Variants in PLEKHG5 observed in about 807,000 individuals in gnomAD.
PLEKHG5 encodes pleckstrin homology and RhoGEF domain containing G5, also known as pleckstrin homology domain-containing family G member 5.
Under a neutral mutation model 103.8 loss-of-function variants are expected in PLEKHG5, and 52 were observed. The ratio of observed to expected loss-of-function variants is 0.50; its 90% confidence interval spans 0.40 to 0.63. PLEKHG5 has a LOEUF of 0.63. Ranked by LOEUF, PLEKHG5 falls within the 30% of genes least tolerant of loss-of-function variation. The pLI is 0.00. For synonymous variants in PLEKHG5, 592 were observed against 575.5 expected, an observed-to-expected ratio of 1.03 and a Z score of -0.41; for missense variants, 1,205 against 1,347.6, an observed-to-expected ratio of 0.89 and a Z score of 1.66.
At chr1:6,479,282 CTTTT>C (rs59798457) in intron 1 of PLEKHG5, among the ~76,000 whole-genome samples, 16 of 130,906 alleles carry the variant, frequency 1.2e-4, no homozygotes, top group East Asian at 4.5e-4. Context: ...TCTGTTTATC[CTTTT>C]TTTTTTTTTT....
rs778389781 is a variant in PLEKHG5 at position 6,470,299 on chromosome 1, C to A, written c.1737G>T (p.Pro579=). The change falls in exon 16 of 21, where the codon CCG becomes CCT. Residue 579 remains proline, a synonymous_variant. Coordinates refer to ENST00000377728, the MANE Select transcript of PLEKHG5 (RefSeq NM_020631.6). ...CCAGCAGCAGCTGCCGCGTCTCCTC[C>A]GGGGAGGCGCCAGGGATGGGCGCTG... is the stretch of plus-strand genomic sequence containing the variant. ...DLTAPIPGAS[P]EETRQLLLEG... The A allele has an allele frequency of 6.2e-7, 1 of 1,614,010 alleles. No homozygotes were observed. Among genetic ancestry groups the A allele is most frequent in the Non-Finnish European group, 8.5e-7 (1 of 1,179,948 alleles).
intron 2 of PLEKHG5, 127 bp from the exon 3 acceptor site, chr1:6,476,163 G>A: frequency 1.3e-6 from 1 of 771,292 alleles, no homozygotes; most frequent in Non-Finnish European, 2.2e-6. Flanking sequence ...GGGCCCTTCA[G>A]TTCTGTGAGG....
At chr1:6,493,011 C>T (rs1645173906), upstream of PLEKHG5, among the ~76,000 whole-genome samples, 1 of 152,032 alleles carries the variant, frequency 6.6e-6, no homozygotes, top group African/African-American at 2.4e-5. Context: ...CTTTAATCCT[C>T]AGGACTCCAG....
At chr1:6,475,707 C>T (rs770706450) in intron 3 of PLEKHG5, among the ~76,000 whole-genome samples, 185 bp from the exon 4 acceptor site, 6 of 152,226 alleles carry the variant, frequency 3.9e-5, no homozygotes, top group Non-Finnish European at 8.8e-5. Context: ...GGAGTCACAT[C>T]GAACGGTACC....
At chr1:6,517,396 G>T (rs1445391658) in intron 1 of PLEKHG5, among the ~76,000 whole-genome samples, 1 of 151,812 alleles carries the variant, frequency 6.6e-6, no homozygotes, top group Non-Finnish European at 1.5e-5. Context: ...TGATACAGGG[G>T]ACACTCCAAA....
chr1:6,472,537 A>T lies in PLEKHG5; in HGVS notation c.1070T>A (p.Val357Glu). Residue 357 changes from valine to glutamate, a missense_variant, in exon 10 of 21, where the codon GTG becomes GAG. Physicochemically the swap from Val to Glu is moderately radical, Grantham distance 121. Transcript: ENST00000377728. ...GCAGCCCCTACTCACGTTGATGATC[A>T]CCCGCAGTTTCCTGATGTAGGAGGC... ...TEASYIRKLR[V>E]IINLFLCCLL... 1 of 1,611,556 alleles carries T rather than the reference A, an allele frequency of 6.2e-7. No homozygotes were observed. Among genetic ancestry groups the T allele is most frequent in the Non-Finnish European group, 8.5e-7 (1 of 1,178,016 alleles).
At chr1:6,485,752 G>A in intron 1 of PLEKHG5, 2 of 475,266 alleles carry the variant, frequency 4.2e-6, no homozygotes, top group Non-Finnish European at 5.6e-6. Flanking sequence ...CCTCTGCCCG[G>A]CCGGGGGACC....
chr1:6,510,438 A>G (rs1333913549), intron 1 of PLEKHG5, among the ~76,000 whole-genome samples: 2 of 152,132 alleles, frequency 1.3e-5, no homozygotes, highest in Non-Finnish European at 2.9e-5. Flanking sequence ...TAAAAATACA[A>G]AAATTAGCCA....
In PLEKHG5 at chr1:6,472,645, C is replaced by A. The variant is rs1257325459; in HGVS notation, c.985-23G>T. The A allele has an allele frequency of 3.2e-6, 5 of 1,568,020 alleles. No homozygotes were observed. In the South Asian group the frequency reaches 3.4e-5, roughly 11 times the overall value. On this transcript the variant is annotated intron_variant, in intron 9 of 20. Transcript: ENST00000377728. Reference sequence around the variant, plus strand: ...CTTCTAGAGGGAGGGCAGGATGGGTCATTCACGAGGCCTGGAGCACCTTAG... The same window carrying A: ...CTTCTAGAGGGAGGGCAGGATGGGTAATTCACGAGGCCTGGAGCACCTTAG...
At chr1:6,496,926 G>A, upstream of PLEKHG5, 1 of 1,486,528 alleles carries the variant, frequency 6.7e-7, no homozygotes, top group East Asian at 2.6e-5. Flanking sequence ...GGGGGGAAGG[G>A]GCTCCAAGAT....
chr1:6,476,892 C>T (rs1644777874), intron 2 of PLEKHG5, among the ~76,000 whole-genome samples: 1 of 151,968 alleles, frequency 6.6e-6, no homozygotes, highest in Non-Finnish European at 1.5e-5. Flanking sequence ...CAGCTGGGAC[C>T]ACAAGTGTGT....
At chr1:6,518,074 A>C (rs1638673555) in intron 1 of PLEKHG5, among the ~76,000 whole-genome samples, 1 of 151,852 alleles carries the variant, frequency 6.6e-6, no homozygotes, top group South Asian at 2.1e-4. Context: ...CTGGGACTAC[A>C]GGCGCCTGCC....
chr1:6,508,933 C>T (rs752415747), intron 1 of PLEKHG5, among the ~76,000 whole-genome samples: 55 of 152,368 alleles, frequency 3.6e-4, no homozygotes, highest in South Asian at 4.1e-4. Flanking sequence ...GGTACACACA[C>T]TGCTGGCCGC....
rs755539639 is a variant in PLEKHG5 at position 6,468,145 on chromosome 1, G to A, written c.2691C>T (p.Ala897=). 1.5e-4 allele frequency: 242 copies of A among 1,571,222 alleles called. No individual in the cohort carries two copies. The highest frequency in any genetic ancestry group is 2.0e-4 in the Non-Finnish European group (228 of 1,158,018). The stretch of plus-strand genomic sequence containing the variant: ...AGAGCTCTGACAGGCTGCGGCTGGG[G>A]GCAGAGGGTGTCCCATGGGTGCCAG... ...AGAGTHGTPS[A]PSRSLSELCL... is the part of the protein sequence containing the mutation. The change falls in exon 20 of 21, where the codon GCC becomes GCT. Residue 897 remains alanine (A), a synonymous_variant. Coordinates refer to ENST00000377728, the MANE Select transcript of PLEKHG5 (RefSeq NM_020631.6).
intron 1 of PLEKHG5, among the ~76,000 whole-genome samples, chr1:6,510,906 T>C (rs988555630): frequency 6.6e-6 from 1 of 152,122 alleles, no homozygotes; most frequent in Non-Finnish European, 1.5e-5. Context: ...CTGGCCAACA[T>C]GATGACATCC....
intron 6 of PLEKHG5, 122 bp from the exon 7 acceptor site, chr1:6,474,286 C>G (rs1416432644): frequency 7.4e-7 from 1 of 1,360,040 alleles, no homozygotes; most frequent in Non-Finnish European, 1.0e-6. Context: ...CAGCCCCGCC[C>G]TGCCAGCACC....
chr1:6,502,650 C>T (rs1158151506), intron 1 of PLEKHG5, among the ~76,000 whole-genome samples: 4 of 152,294 alleles, frequency 2.6e-5, no homozygotes, highest in African/African-American at 2.4e-5. Context: ...TGACCAAGGG[C>T]GGAACAGGAG....
chr1:6,497,317 C>A, upstream of PLEKHG5: 1 of 1,169,706 alleles, frequency 8.5e-7, no homozygotes, highest in South Asian at 1.4e-5. This position sits in a 1 kb window ranked among gnomAD's most constrained non-coding sequence, Gnocchi z 6.1. Context: ...CGCCTGCACT[C>A]ACCCATGGAG....
chr1:6,474,324 A>G, intron 6 of PLEKHG5, 127 bp downstream of exon 6: 1 of 1,311,296 alleles, frequency 7.6e-7, no homozygotes, highest in Non-Finnish European at 1.1e-6. Context: ...CATCCAGCAG[A>G]GACACCTGTA....
Sources: allele counts gnomAD v4.1 joint callset (sites outside exome capture counted in the v4.1 genomes callset), GRCh38; gene constraint gnomAD v4.1.1; non-coding constraint Gnocchi (gnomAD v3.1); transcripts MANE v1.5; gene names NCBI Gene and HGNC (gene_info 2026-07-23, HGNC 2026-07-21).